ABCA12: variants seen among roughly 807,000 people sequenced by gnomAD.
The protein encoded by ABCA12 is ATP binding cassette subfamily A member 12.
In ABCA12, 156 loss-of-function variants were observed where a neutral mutation model predicts 293.5. The observed-to-expected ratio is 0.53, with a 90% confidence interval of 0.47 to 0.61. The LOEUF is 0.61. Ranked by LOEUF, ABCA12 falls within the 20% of genes least tolerant of loss-of-function variation. The probability of loss-of-function intolerance (pLI) is 0.00; values close to 1 mark genes in which losing one functional copy is unlikely to be tolerated. For synonymous variants in ABCA12, 1,063 were observed against 1,108.0 expected (o/e 0.96, Z 0.81); for missense variants, 2,797 against 3,090.2 (o/e 0.91, Z 2.25).
chr2:215,127,055 G>A lies in ABCA12; in HGVS notation c.69+11085C>T, dbSNP rs560577451. Among the ~76,000 whole-genome samples, 3 of 152,188 alleles carry A rather than the reference G, an allele frequency of 2.0e-5. No homozygotes were observed. The South Asian group carries it at 6.2e-4, about 32-fold the overall frequency. On this transcript the variant is annotated intron_variant, in intron 1 of 52. Coordinates refer to ENST00000272895, the MANE Select transcript of ABCA12 (RefSeq NM_173076.3). Reference sequence around the variant, plus strand: ...ATATGATTTTTGTTTTTGACCCAATGTTCATTCAGGAGCAGGTTATTTAAT... The same window carrying A: ...ATATGATTTTTGTTTTTGACCCAATATTCATTCAGGAGCAGGTTATTTAAT...
At chr2:215,116,753 A>G (rs953061754) in intron 1 of ABCA12, among the ~76,000 whole-genome samples, 7 of 152,204 alleles carry the variant, frequency 4.6e-5, no homozygotes, top group Non-Finnish European at 7.3e-5. Context: ...ATGAAACGGA[A>G]AAAAGCATAA....
At chr2:214,977,232 AG>A (rs1312385552) in intron 33 of ABCA12, among the ~76,000 whole-genome samples, 1 of 152,240 alleles carries the variant, frequency 6.6e-6, no homozygotes, top group Admixed American at 6.5e-5. Flanking sequence ...ATGTCAATGA[AG>A]GGAACATTTG....
Position 214,932,572 on chromosome 2 carries a change from C to A in ABCA12, c.*62G>T. The A allele has an allele frequency of 8.2e-7, 1 of 1,225,054 alleles. No individual in the cohort carries two copies. Among genetic ancestry groups the A allele is most frequent in the Non-Finnish European group, 1.2e-6 (1 of 830,496 alleles). 75.9% of individuals were successfully genotyped at this position (1,225,054 alleles called of 1,614,324 possible). On this transcript the variant is annotated 3_prime_UTR_variant, in exon 53 of 53. Coordinates refer to ENST00000272895, the MANE Select transcript of ABCA12 (RefSeq NM_173076.3). ...AAGATATCTTGCGGAAGTGTATCTTCTGTGGCTTTTCTTCAAAATGAAGCC... is the reference window on the plus strand; with the variant it reads ...AAGATATCTTGCGGAAGTGTATCTTATGTGGCTTTTCTTCAAAATGAAGCC...
At chr2:215,048,164 T>C (rs1174559827) in intron 6 of ABCA12, among the ~76,000 whole-genome samples, 1 of 151,848 alleles carries the variant, frequency 6.6e-6, no homozygotes, top group Non-Finnish European at 1.5e-5. Context: ...AGTCAAAAAA[T>C]AACAGATGCT....
At chr2:215,106,368 A>C (rs915129366) in intron 2 of ABCA12, among the ~76,000 whole-genome samples, 4 of 152,158 alleles carry the variant, frequency 2.6e-5, no homozygotes, top group Non-Finnish European at 5.9e-5. Context: ...AGCAATGCTC[A>C]ATCTATGATA....
rs1030651656 is a variant in ABCA12 at position 215,111,527 on chromosome 2, A to G, written c.163+70T>C. 45 of 1,282,858 alleles carry G rather than the reference A, an allele frequency of 3.5e-5. 1 individual carries two copies. The Admixed American group carries it at 7.5e-4, about 21-fold the overall frequency. 79.5% of individuals were successfully genotyped at this position (1,282,858 alleles called of 1,614,324 possible). On this transcript the variant is annotated intron_variant, in intron 2 of 52. Transcript: ENST00000272895. ...AAAAAAATTTTTGAAATGAAACACT[A>G]AAGTGGTACCAAAATAAATTTTAAC...
At chr2:214,999,551 T>A (rs772142076) in intron 22 of ABCA12, among the ~76,000 whole-genome samples, 1 of 152,214 alleles carries the variant, frequency 6.6e-6, no homozygotes, top group African/African-American at 2.4e-5. Context: ...AATGAACATA[T>A]TCCCATAAAG....
intron 28 of ABCA12, among the ~76,000 whole-genome samples, chr2:214,984,446 A>G (rs772090796): frequency 2.0e-5 from 3 of 152,014 alleles, no homozygotes; most frequent in Non-Finnish European, 2.9e-5. Context: ...GAGCATACCC[A>G]TGCACTTTCC....
Position 214,983,851 on chromosome 2 carries a change from C to T in ABCA12, c.4178G>A (p.Gly1393Glu). The change falls in exon 29 of 53, where the codon GGG (glycine) becomes GAG (glutamate). Residue 1393 changes from glycine (G) to glutamate (E), a missense_variant. By Grantham distance (98) the Gly-to-Glu change is moderately conservative. Around this residue, in one of 3 missense-constraint regions of ABCA12, gnomAD observed 2,130 missense variants for 2,427.0 expected, o/e 0.88. Transcript: ENST00000272895. ...GKTTTISMLT[G>E]LFGASAGTIF... ...GGTGCCTGCTGAGGCCCCAAACAGC[C>T]CAGTTAACATGGAACTGGAAATGAA... The T allele has an allele frequency of 6.2e-7, 1 of 1,613,778 alleles. No individual in the cohort carries two copies. Among genetic ancestry groups the T allele is most frequent in the Non-Finnish European group, 8.5e-7 (1 of 1,179,940 alleles).
chr2:215,075,559 GGA>G, intron 2 of ABCA12: 1 of 691,978 alleles, frequency 1.4e-6, no homozygotes, highest in Non-Finnish European at 2.6e-6. Context: ...CATTTATGCA[GGA>G]AAAAAAAAAA....
rs1553551019 is a variant in ABCA12, at chr2:215,134,616, T to TCTAG, written c.69+3523_69+3524insCTAG. ...CTCTCTCTCTATATATATATATATA[T>TCTAG]AGAGAGAGAGAGAGAGAGAGAGAGA... On this transcript the variant is annotated intron_variant, in intron 1 of 52. Coordinates refer to ENST00000272895, the MANE Select transcript of ABCA12 (RefSeq NM_173076.3). 3.3e-3 allele frequency among the ~76,000 whole-genome samples: 267 copies of TCTAG among 80,650 alleles called. 36 individuals are homozygous for TCTAG. Among genetic ancestry groups the TCTAG allele is most frequent in the African/African-American group, 0.015 (238 of 15,490 alleles). 52.9% of individuals were successfully genotyped at this position (80,650 alleles called of 152,430 possible). A position where few individuals can be genotyped will look rare whatever the true frequency, so the allele number is the denominator to read the frequency against.
Position 214,987,724 on chromosome 2 carries a change from C to A in ABCA12, c.3899G>T (p.Cys1300Phe). 6.2e-7 allele frequency: 1 copy of A among 1,614,072 alleles called. No individual in the cohort carries two copies. Among genetic ancestry groups the A allele is most frequent in the African/African-American group, 1.3e-5 (1 of 75,032 alleles). Residue 1300 changes from cysteine to phenylalanine, a missense_variant, in exon 27 of 53, where the codon TGT becomes TTT. By Grantham distance (205) the Cys-to-Phe change is radical. Around this residue, in one of 3 missense-constraint regions of ABCA12, gnomAD observed 2,130 missense variants for 2,427.0 expected, o/e 0.88. Transcript: ENST00000272895. Reference protein sequence around the residue: ...LPSYWKERFGCAEVKPEKSNG... With the variant: ...LPSYWKERFGFAEVKPEKSNG... ...GCTCTTCTCAGGCTTCACCTCTGCA[C>A]ACCCAAATCGCTCCTTCCAATAGGA...
At chr2:214,979,135 G>C in intron 31 of ABCA12, 95 bp from the exon 32 acceptor site, 2 of 1,086,168 alleles carry the variant, frequency 1.8e-6, no homozygotes, top group Non-Finnish European at 2.8e-6. Context: ...GCTCTTTTAG[G>C]CCACTCCACA....
intron 2 of ABCA12, among the ~76,000 whole-genome samples, chr2:215,086,214 C>T (rs536878088): frequency 9.8e-5 from 15 of 152,326 alleles, no homozygotes; most frequent in Non-Finnish European, 2.1e-4. Flanking sequence ...GGGTTAAGTA[C>T]ATTAGTCAAT....
Position 214,990,966 on chromosome 2 carries a change from T to A in ABCA12, c.3360A>T (p.Gly1120=). ...HFFAWLIESV[G]FLLVTIVILI... The stretch of plus-strand genomic sequence containing the variant: ...GGATCACGATGGTAACCAGTAAAAA[T>A]CCAACACTCTCTATAAGCCAGGCAA... The change falls in exon 24 of 53, where the codon GGA becomes GGT. Residue 1120 remains glycine, a synonymous_variant. Coordinates refer to ENST00000272895, the MANE Select transcript of ABCA12 (RefSeq NM_173076.3). The A allele has an allele frequency of 6.2e-7, 1 of 1,614,006 alleles. No individual in the cohort carries two copies. Among genetic ancestry groups the A allele is most frequent in the South Asian group, 1.1e-5 (1 of 91,084 alleles).
Position 214,987,702 on chromosome 2 carries a change from C to A in ABCA12, c.3921G>T (p.Lys1307Asn). ...TGTTAGTAAACATGAGGCCATTGCTCTTCTCAGGCTTCACCTCTGCACACC... is the reference window on the plus strand; with the variant it reads ...TGTTAGTAAACATGAGGCCATTGCTATTCTCAGGCTTCACCTCTGCACACC... The part of the protein sequence containing the change: ...RFGCAEVKPE[K>N]SNGLMFTNIM... The change falls in exon 27 of 53, where the codon AAG (lysine) becomes AAT (asparagine). Residue 1307 changes from lysine (K) to asparagine (N), a missense_variant. Lys to Asn is a moderately conservative substitution (Grantham distance 94). Transcript: ENST00000272895. 6.2e-7 allele frequency: 1 copy of A among 1,614,028 alleles called. No individual in the cohort carries two copies. Among genetic ancestry groups the A allele is most frequent in the Non-Finnish European group, 8.5e-7 (1 of 1,179,992 alleles).
At chr2:214,945,585 C>T (rs1260995856) in intron 48 of ABCA12, among the ~76,000 whole-genome samples, 2 of 152,106 alleles carry the variant, frequency 1.3e-5, no homozygotes, top group African/African-American at 2.4e-5. Flanking sequence ...AAATCTAACA[C>T]TCCTTGGGAA....
intron 24 of ABCA12, among the ~76,000 whole-genome samples, chr2:214,990,409 G>T (rs540571540): frequency 1.2e-3 from 188 of 152,298 alleles, no homozygotes; most frequent in African/African-American, 4.2e-3. Context: ...TTGGTCCAGA[G>T]AGAAGTCAGA....
intron 2 of ABCA12, among the ~76,000 whole-genome samples, chr2:215,083,818 T>G (rs1701989328): frequency 6.6e-6 from 1 of 152,204 alleles, no homozygotes; most frequent in Non-Finnish European, 1.5e-5. Flanking sequence ...CTGGGTGCCC[T>G]AGCTTTAACT....
Sources: gnomAD v4.1 joint callset for allele counts (sites outside exome capture counted in the v4.1 genomes callset) on GRCh38, gnomAD v4.1.1 for gene constraint, gnomAD v4.1.1 regional missense constraint, MANE v1.5 for transcripts, NCBI Gene and HGNC (gene_info 2026-07-23, HGNC 2026-07-21) for gene names.